FUS: variants seen among roughly 807,000 people sequenced by gnomAD.
FUS encodes FUS RNA binding protein.
FUS carries 5 observed loss-of-function variants against 82.7 expected under a neutral mutation model. The observed-to-expected ratio is 0.06, with a 90% CI of 0.03 to 0.13. FUS has a LOEUF of 0.13. Among genes scored for constraint, FUS ranks in the 10% least tolerant of loss-of-function variants. The pLI, the probability that FUS is intolerant of heterozygous loss-of-function variation, is 1.00. For synonymous variants in FUS, 281 were observed against 247.4 expected (o/e 1.14, Z -1.27); for missense variants, 512 against 707.8 (o/e 0.72, Z 3.14).
chr16:31,180,799 C>T, intron 1 of FUS, among the ~76,000 whole-genome samples: 1 of 152,156 alleles, frequency 6.6e-6, no homozygotes, highest in South Asian at 2.1e-4. Flanking sequence ...TGCCACGCGG[C>T]TGGGGGCGGA....
intron 12 of FUS, 74 bp from the exon 13 acceptor site, chr16:31,190,668 C>T: frequency 7.2e-7 from 1 of 1,394,310 alleles, no homozygotes; most frequent in Admixed American, 1.7e-5. Flanking sequence ...TCTAAAGTCA[C>T]CGTAGTTTCT....
chr16:31,181,615 T>G (rs893413821), intron 1 of FUS, among the ~76,000 whole-genome samples: 1 of 152,106 alleles, frequency 6.6e-6, no homozygotes, highest in Non-Finnish European at 1.5e-5. Context: ...TTTTGAGACT[T>G]TCTTATTCTG....
downstream of FUS, chr16:31,193,496 G>C (rs1274747330): frequency 5.7e-6 from 3 of 529,072 alleles, no homozygotes; most frequent in Non-Finnish European, 1.1e-5. Flanking sequence ...CTTTGGTTGT[G>C]GTCCCCTGAT....
intron 12 of FUS, 45 bp from the exon 13 acceptor site, chr16:31,190,697 C>G (rs985541057): frequency 2.6e-6 from 4 of 1,541,606 alleles, no homozygotes; most frequent in Non-Finnish European, 3.6e-6. Context: ...CTAGGTCTTG[C>G]CTATTCCCCA....
At chr16:31,193,935 C>T (rs1278901160), downstream of FUS, 1 of 529,944 alleles carries the variant, frequency 1.9e-6, no homozygotes, top group Non-Finnish European at 3.7e-6. Flanking sequence ...GTGTGACCCA[C>T]TGCGTTTGGC....
At chr16:31,189,270 C>G in intron 9 of FUS, 44 bp downstream of exon 9, 1 of 1,371,634 alleles carries the variant, frequency 7.3e-7, no homozygotes, top group Non-Finnish European at 1.0e-6. Context: ...GTGTTGTAGG[C>G]TTGTGGATTT....
Position 31,191,018 on chromosome 16 carries a change from C to T in FUS, c.1449C>T (p.Gly483=). ...RGGRGGYDRG[G]YRGRGGDRGG... ...GCAGAGGAGGCTATGATCGAGGCGG[C>T]TACCGGGGCCGCGGCGGGGACCGTG... Residue 483 remains glycine (G), a synonymous_variant, in exon 14 of 15, where the codon GGC becomes GGT. Coordinates refer to ENST00000254108, the MANE Select transcript of FUS (RefSeq NM_004960.4). 6.2e-7 allele frequency: 1 copy of T among 1,613,820 alleles called. No individual in the cohort carries two copies. The highest frequency in any genetic ancestry group is 8.5e-7 in the Non-Finnish European group (1 of 1,179,940).
In FUS at chr16:31,182,526, C is replaced by T. The variant is rs144888138; in HGVS notation, c.52C>T (p.Pro18Ser). The T allele has an allele frequency of 5.3e-5, 85 of 1,613,996 alleles. No homozygotes were observed. The highest frequency in any genetic ancestry group is 6.6e-5 in the Non-Finnish European group (78 of 1,180,036). ...CCTTTTATTTAGCTATGGGGCCTAC[C>T]CCACCCAGCCCGGGCAGGGCTATTC... Reference protein sequence around the residue: ...QQATQSYGAYPTQPGQGYSQQ... With the variant: ...QQATQSYGAYSTQPGQGYSQQ... Residue 18 changes from proline to serine, a missense_variant, in exon 3 of 15, where the codon CCC becomes TCC. Around this residue, in one of 6 missense-constraint regions of FUS, gnomAD observed 276 missense variants for 303.3 expected, o/e 0.91. Transcript: ENST00000254108.
At chr16:31,181,282 C>T (rs1174138967) in intron 1 of FUS, among the ~76,000 whole-genome samples, 1 of 152,220 alleles carries the variant, frequency 6.6e-6, no homozygotes, top group East Asian at 1.9e-4. Flanking sequence ...CTCTCCTGGT[C>T]CTCTTTCCCT....
intron 1 of FUS, among the ~76,000 whole-genome samples, chr16:31,180,933 G>A (rs886614281): frequency 6.6e-6 from 1 of 150,774 alleles, no homozygotes; most frequent in Non-Finnish European, 1.5e-5. Flanking sequence ...TTTTTTTGGA[G>A]ACACGGTCTT....
At chr16:31,192,807 G>T (rs569744259), downstream of FUS, 1 of 481,594 alleles carries the variant, frequency 2.1e-6, no homozygotes, top group African/African-American at 2.0e-5. Context: ...CCTGACCTCA[G>T]GTGATCCACC....
Position 31,182,621 on chromosome 16 carries a change from CTATGGCCAGAGCAGCTATTCTTCT to C in FUS, c.160_183del (p.Ser54_Ser61del). 3 of 1,614,088 alleles carry C rather than the reference CTATGGCCAGAGCAGCTATTCTTCT, an allele frequency of 1.9e-6. No homozygotes were observed. Among genetic ancestry groups the C allele is most frequent in the Non-Finnish European group, 1.7e-6 (2 of 1,179,994 alleles). ...ATAGCCAGTCCACGGACACTTCAGGCTATGGCCAGAGCAGCTATTCTTCTTATGGCCAGAGCCAGAACAGTGAGT... is the reference window on the plus strand; with the variant it reads ...ATAGCCAGTCCACGGACACTTCAGGCTATGGCCAGAGCCAGAACAGTGAGT... On this transcript the variant is annotated inframe_deletion, in exon 3 of 15. Transcript: ENST00000254108.
chr16:31,190,709 C>A (rs368419983), intron 12 of FUS, 33 bp from the exon 13 acceptor site: 54 of 1,582,638 alleles, frequency 3.4e-5, no homozygotes, highest in Non-Finnish European at 4.6e-5. Flanking sequence ...TATTCCCCAT[C>A]GCTCCAGACT....
downstream of FUS, chr16:31,193,212 G>T: frequency 2.0e-6 from 1 of 494,994 alleles, no homozygotes; most frequent in Non-Finnish European, 4.0e-6. Context: ...AATAAACCAT[G>T]ACTTTTAAGA....
At chr16:31,194,649 C>T (rs887367274), downstream of FUS, 1 of 488,796 alleles carries the variant, frequency 2.0e-6, no homozygotes, top group Non-Finnish European at 4.0e-6. Context: ...TTATGGGGTA[C>T]AATGTCCTAT....
rs1294755028 is a variant in FUS, at chr16:31,190,111, G to A, written c.1138G>A (p.Gly380Ser). ...TRRADFNRGG[G>S]NGRGGRGRGG... ...CCGGGCAGACTTTAATCGGGGTGGT[G>A]GCAATGGTCGTGGAGGCCGAGGGCG... Residue 380 changes from glycine (G) to serine (S), a missense_variant, in exon 11 of 15, where the codon GGC becomes AGC. By Grantham distance (56) the Gly-to-Ser change is moderately conservative. Transcript: ENST00000254108. The A allele has an allele frequency of 1.9e-6, 3 of 1,614,172 alleles. No individual in the cohort carries two copies. Among genetic ancestry groups the A allele is most frequent in the Admixed American group, 1.7e-5 (1 of 60,002 alleles).
rs2144136156 is a variant in FUS, at chr16:31,190,326, G to A, written c.1220G>A (p.Arg407Gln). Residue 407 changes from arginine to glutamine, a missense_variant, in exon 12 of 15, where the codon CGA becomes CAA. Arg to Gln is a conservative substitution (Grantham distance 43). Transcript: ENST00000254108. Reference sequence around the variant, plus strand: ...GGTGGTGGCAGTGGTGGTGGTGGCCGAGGAGGATTTCCCAGTGGAGGTGGT... The same window carrying A: ...GGTGGTGGCAGTGGTGGTGGTGGCCAAGGAGGATTTCCCAGTGGAGGTGGT... The part of the protein sequence containing the change: ...YGGGGSGGGG[R>Q]GGFPSGGGGG... 3 of 1,614,174 alleles carry A rather than the reference G, an allele frequency of 1.9e-6. No individual in the cohort carries two copies. The highest frequency in any genetic ancestry group is 2.5e-6 in the Non-Finnish European group (3 of 1,180,028).
rs779124981 is a variant in FUS, at chr16:31,185,045, G to C, written c.630G>C (p.Gln210His). Residue 210 changes from glutamine to histidine, a missense_variant, in exon 6 of 15, where the codon CAG becomes CAC. Physicochemically the swap from Gln to His is conservative, Grantham distance 24 (BLOSUM62 0). Around this residue, in one of 6 missense-constraint regions of FUS, gnomAD observed 276 missense variants for 303.3 expected, o/e 0.91. Coordinates refer to ENST00000254108, the MANE Select transcript of FUS (RefSeq NM_004960.4). ...SGGGGSGGYG[Q>H]QDRGGRGRGG... ...GAGGTGGCAGCGGTGGCTATGGACA[G>C]CAGGACCGTGGAGGCCGCGGCAGGG... The C allele has an allele frequency of 4.7e-5, 76 of 1,612,204 alleles. No homozygotes were observed. Among genetic ancestry groups the C allele is most frequent in the Non-Finnish European group, 5.9e-5 (69 of 1,179,176 alleles).
At chr16:31,193,819 C>CT (rs753379140), downstream of FUS, 9,517 of 399,598 alleles carry the variant, frequency 0.024, 8 homozygotes, top group South Asian at 0.057. Flanking sequence ...TTTTTAATTA[C>CT]TTTTTTTTTT....
Sources: allele counts gnomAD v4.1 joint callset (sites outside exome capture counted in the v4.1 genomes callset), GRCh38; gene constraint gnomAD v4.1.1; regional missense constraint gnomAD v4.1.1; transcripts MANE v1.5; gene names NCBI Gene and HGNC (gene_info 2026-07-23, HGNC 2026-07-21).